Variants in IL17B observed in about 807,000 individuals in gnomAD.
IL17B encodes the protein interleukin 17B, also known as interleukin-17B.
IL17B carries 14 observed loss-of-function variants against 14.7 expected under a neutral mutation model. The observed-to-expected ratio is 0.95, with a 90% CI of 0.63 to 1.49. IL17B has a LOEUF of 1.49. IL17B is among the 40% of genes most tolerant of loss of function. The pLI, the probability that IL17B is intolerant of heterozygous loss-of-function variation, is 0.00. For synonymous variants in IL17B, 105 were observed against 94.8 expected (o/e 1.11, Z -0.62); for missense variants, 233 against 252.8 (o/e 0.92, Z 0.53).
chr5:149,374,403 T>C lies in IL17B; in HGVS notation c.509A>G (p.Glu170Gly). 6.2e-7 allele frequency: 1 copy of C among 1,600,110 alleles called. No homozygotes were observed. Residue 170 changes from glutamate (E) to glycine (G), a missense_variant, in exon 3 of 3, where the codon GAG (glutamate) becomes GGG (glycine). Physicochemically the swap from Glu to Gly is moderately conservative, Grantham distance 98 (BLOSUM62 -2). Coordinates refer to ENST00000261796, the MANE Select transcript of IL17B (RefSeq NM_014443.3). This position sits in a 1 kb window ranked among gnomAD's most constrained non-coding sequence, Gnocchi z 5.0. The part of the protein sequence containing the change: ...TGPCRQRAVM[E>G]TIAVGCTCIF ...GCAGGTGCAGCCCACAGCGATGGTC[T>C]CCATGACTGCGCGCTGGCGGCAAGG...
At chr5:149,379,327 C>T (rs1758626374), upstream of IL17B, 2 of 1,390,330 alleles carry the variant, frequency 1.4e-6, no homozygotes, top group African/African-American at 1.4e-5. Context: ...AATTATAGCT[C>T]AACTGGGGGC....
intron 1 of IL17B, among the ~76,000 whole-genome samples, chr5:149,388,135 C>T (rs191983542): frequency 1.6e-3 from 246 of 152,344 alleles, no homozygotes; most frequent in African/African-American, 5.6e-3. Context: ...AGAAATGTGT[C>T]TGGTGAGAGG....
At chr5:149,395,566 G>A (rs1488580159) in intron 1 of IL17B, among the ~76,000 whole-genome samples, 1 of 152,226 alleles carries the variant, frequency 6.6e-6, no homozygotes, top group Admixed American at 6.5e-5. Context: ...GATTTCACTA[G>A]CTTCTTCAGG....
At chr5:149,377,864 C>G (rs775777947) in intron 1 of IL17B, among the ~76,000 whole-genome samples, 79 of 152,062 alleles carry the variant, frequency 5.2e-4, no homozygotes, top group Non-Finnish European at 9.4e-4. Flanking sequence ...TTTGCTGTGG[C>G]CGGGCGTGGT....
chr5:149,378,720 A>G (rs1758609744), intron 1 of IL17B, among the ~76,000 whole-genome samples: 1 of 152,240 alleles, frequency 6.6e-6, no homozygotes, highest in Non-Finnish European at 1.5e-5. Context: ...TTGGTCCTAG[A>G]TTCTAGTGCA....
At chr5:149,383,777 G>A (rs1253483183), upstream of IL17B, among the ~76,000 whole-genome samples, 1 of 152,196 alleles carries the variant, frequency 6.6e-6, no homozygotes, top group Non-Finnish European at 1.5e-5. Context: ...CTGCCACGTC[G>A]ACATGACCCT....
chr5:149,398,759 T>C (rs2127622915), intron 1 of IL17B, among the ~76,000 whole-genome samples: 1 of 152,244 alleles, frequency 6.6e-6, no homozygotes, highest in South Asian at 2.1e-4. Flanking sequence ...ATACAAAATT[T>C]GCTGGGCATG....
intron 1 of IL17B, among the ~76,000 whole-genome samples, chr5:149,387,124 C>A (rs1183690732): frequency 6.6e-6 from 1 of 152,158 alleles, no homozygotes; most frequent in African/African-American, 2.4e-5. Flanking sequence ...TGTGCACCTC[C>A]TGCATGCATG....
intron 1 of IL17B, among the ~76,000 whole-genome samples, chr5:149,394,220 C>T (rs1466029485): frequency 6.6e-6 from 1 of 152,096 alleles, no homozygotes; most frequent in Non-Finnish European, 1.5e-5. Context: ...AGAAATAGGT[C>T]AAAAAGGGAA....
intron 1 of IL17B, among the ~76,000 whole-genome samples, chr5:149,389,716 C>A (rs189102796): frequency 6.6e-6 from 1 of 152,304 alleles, no homozygotes; most frequent in East Asian, 1.9e-4. Context: ...ATAAACATTA[C>A]CTTATTAAGG....
Position 149,399,309 on chromosome 5 carries a change from AC to A in IL17B, n.95+4798del, listed in dbSNP as rs1759162447. Among the ~76,000 whole-genome samples the A allele has an allele frequency of 3.3e-5, 5 of 152,184 alleles. No individual in the cohort carries two copies. The South Asian group carries it at 1.0e-3, about 32-fold the overall frequency. ...CTCAGCCACACAGCAAGTTAGTGGCACAACTGGGCCAAAAGCTTGGCCTCCT... is the reference window on the plus strand; with the variant it reads ...CTCAGCCACACAGCAAGTTAGTGGCAAACTGGGCCAAAAGCTTGGCCTCCT... On this transcript the variant is annotated intron_variant and non_coding_transcript_variant, in intron 1 of 2. Coordinates refer to the IL17B transcript ENST00000505432.
chr5:149,378,599 T>C (rs1247013503), intron 1 of IL17B, among the ~76,000 whole-genome samples: 1 of 152,240 alleles, frequency 6.6e-6, no homozygotes, highest in African/African-American at 2.4e-5. Flanking sequence ...TTATCCAGGC[T>C]ACCCAGCAAG....
chr5:149,390,558 A>C (rs1403705867), intron 1 of IL17B, among the ~76,000 whole-genome samples: 1 of 132,902 alleles, frequency 7.5e-6, no homozygotes, highest in Non-Finnish European at 1.6e-5. Context: ...AAGTTTTCCA[A>C]ATCTCACAGC....
At chr5:149,385,211 C>T (rs1020688781) in intron 1 of IL17B, among the ~76,000 whole-genome samples, 4 of 151,644 alleles carry the variant, frequency 2.6e-5, no homozygotes, top group Admixed American at 6.6e-5. Flanking sequence ...CAAAATTAGC[C>T]GGACGTGGTG....
intron 1 of IL17B, among the ~76,000 whole-genome samples, chr5:149,395,207 T>C (rs1337879858): frequency 6.6e-6 from 1 of 152,322 alleles, no homozygotes; most frequent in East Asian, 1.9e-4. Flanking sequence ...TCTCTTTTTT[T>C]AATGGCTGCA....
chr5:149,390,274 T>C (rs1758913720), intron 1 of IL17B, among the ~76,000 whole-genome samples: 1 of 149,566 alleles, frequency 6.7e-6, no homozygotes, highest in Admixed American at 6.8e-5. Context: ...TCCATCTCTT[T>C]GTCCGTCACT....
intron 1 of IL17B, among the ~76,000 whole-genome samples, chr5:149,377,250 C>T (rs1466368731): frequency 6.6e-6 from 1 of 152,192 alleles, no homozygotes. Context: ...CATGCTCCTT[C>T]CTGCCACAGG....
chr5:149,383,306 G>A (rs1257335853), upstream of IL17B, among the ~76,000 whole-genome samples: 1 of 152,224 alleles, frequency 6.6e-6, no homozygotes, highest in Non-Finnish European at 1.5e-5. Flanking sequence ...TTCCTGGGTA[G>A]GAAGGGCATT....
intron 1 of IL17B, among the ~76,000 whole-genome samples, chr5:149,386,408 A>G (rs1177884528): frequency 6.6e-6 from 1 of 152,180 alleles, no homozygotes; most frequent in Non-Finnish European, 1.5e-5. Context: ...TGATGGCCGT[A>G]GCCAAGGCCT....
Sources: gnomAD v4.1 joint callset for allele counts (sites outside exome capture counted in the v4.1 genomes callset) on GRCh38, gnomAD v4.1.1 for gene constraint, Gnocchi (gnomAD v3.1) non-coding constraint, MANE v1.5 for transcripts, NCBI Gene and HGNC (gene_info 2026-07-23, HGNC 2026-07-21) for gene names.